Variants in CALN1 observed in about 807,000 individuals in gnomAD.
CALN1 encodes calneuron 1.
A neutral mutation model predicts 30.6 loss-of-function variants in CALN1; 17 were observed. The observed-to-expected ratio is 0.56, with a 90% CI of 0.38 to 0.83. The LOEUF is 0.83. Among genes scored for constraint, CALN1 ranks in the 40% least tolerant of loss-of-function variants. The probability of loss-of-function intolerance (pLI) is 0.00; values close to 1 mark genes in which losing one functional copy is unlikely to be tolerated. For missense variants in CALN1, 291 were observed against 354.9 expected, an observed-to-expected ratio of 0.82 and a Z score of 1.45; for synonymous variants, 156 against 131.4, an observed-to-expected ratio of 1.19 and a Z score of -1.28.
At chr7:71,977,252 G>A (rs942519726) in intron 5 of CALN1, among the ~76,000 whole-genome samples, 5 of 151,954 alleles carry the variant, frequency 3.3e-5, no homozygotes, top group Non-Finnish European at 7.4e-5. Flanking sequence ...GCAACATAGC[G>A]AGACCCTATC....
intron 2 of CALN1, among the ~76,000 whole-genome samples, chr7:72,299,462 G>A (rs1799097786): frequency 5.2e-4 from 1 of 1,920 alleles, no homozygotes; most frequent in Admixed American, 0.011. Context: ...TAGTTAAGAG[G>A]CAGAAATTAC....
At chr7:72,231,953 G>A (rs1200528959) in intron 3 of CALN1, among the ~76,000 whole-genome samples, 6 of 152,202 alleles carry the variant, frequency 3.9e-5, no homozygotes, top group Non-Finnish European at 7.3e-5. Flanking sequence ...CAGAAAAGAC[G>A]CTGTTGTCTT....
intron 4 of CALN1, among the ~76,000 whole-genome samples, chr7:72,078,071 G>A (rs1308336991): frequency 6.6e-6 from 1 of 152,174 alleles, no homozygotes; most frequent in African/African-American, 2.4e-5. Context: ...GTATGTAAAT[G>A]AGGGAAGAAT....
At chr7:72,261,045 C>T (rs1052425929) in intron 3 of CALN1, among the ~76,000 whole-genome samples, 2 of 152,142 alleles carry the variant, frequency 1.3e-5, no homozygotes, top group African/African-American at 2.4e-5. Flanking sequence ...CGGTGGCTCT[C>T]GCCTGTAATC....
chr7:72,058,597 GCACAAGCGA>G (rs1803436147), intron 4 of CALN1, among the ~76,000 whole-genome samples: 1 of 152,094 alleles, frequency 6.6e-6, no homozygotes, highest in African/African-American at 2.4e-5. Context: ...GGGATTACAG[GCACAAGCGA>G]CCATGCCTGG....
intron 4 of CALN1, among the ~76,000 whole-genome samples, chr7:72,040,732 C>T (rs1360883607): frequency 6.6e-6 from 1 of 152,120 alleles, no homozygotes; most frequent in African/African-American, 2.4e-5. Context: ...AGGAGAGAGG[C>T]CTCAGTAGAA....
chr7:71,879,723 C>A (rs1251022023), intron 5 of CALN1, among the ~76,000 whole-genome samples: 1 of 152,096 alleles, frequency 6.6e-6, no homozygotes, highest in African/African-American at 2.4e-5. Flanking sequence ...AGAGGGTAAC[C>A]ATGGCAACCT....
At chr7:72,123,093 C>T (rs1301982446) in intron 3 of CALN1, among the ~76,000 whole-genome samples, 1 of 152,142 alleles carries the variant, frequency 6.6e-6, no homozygotes, top group East Asian at 1.9e-4. Flanking sequence ...CTATTTACCA[C>T]TGTTGCAGTG....
intron 2 of CALN1, among the ~76,000 whole-genome samples, chr7:72,382,341 G>T (rs1329692149): frequency 6.6e-6 from 1 of 152,234 alleles, no homozygotes; most frequent in African/African-American, 2.4e-5. Context: ...GAAATAAAGA[G>T]AATCTGGGCT....
intron 1 of CALN1, among the ~76,000 whole-genome samples, chr7:72,407,437 TG>T (rs1806777754): frequency 6.6e-6 from 1 of 151,854 alleles, no homozygotes; most frequent in South Asian, 2.1e-4. Flanking sequence ...ATCACGGGGG[TG>T]TATTTTTCCC....
chr7:72,479,616 G>C, the CALN1 span, among the ~76,000 whole-genome samples: 1 of 148,388 alleles, frequency 6.7e-6, no homozygotes, highest in African/African-American at 2.5e-5. Flanking sequence ...GCAATGGCGT[G>C]ATCTTGGCTC....
intron 5 of CALN1, among the ~76,000 whole-genome samples, chr7:71,934,653 G>A (rs1174947111): frequency 6.6e-6 from 1 of 152,168 alleles, no homozygotes; most frequent in East Asian, 1.9e-4. Context: ...TGAGGGATCT[G>A]TCCCTATGAC....
At chr7:72,184,467 T>C (rs1790041733) in intron 3 of CALN1, among the ~76,000 whole-genome samples, 1 of 152,260 alleles carries the variant, frequency 6.6e-6, no homozygotes, top group African/African-American at 2.4e-5. Flanking sequence ...ATTTATGACA[T>C]GTGAGCAATA....
chr7:72,044,646 C>G (rs929702819), intron 4 of CALN1, among the ~76,000 whole-genome samples: 31 of 123,644 alleles, frequency 2.5e-4, no homozygotes, highest in African/African-American at 8.8e-4. Context: ...GAGTGTTGCT[C>G]TGTCACCCAG....
At chr7:72,403,122 T>C (rs1015011665) in intron 2 of CALN1, 129 bp downstream of exon 2, 1 of 636,468 alleles carries the variant, frequency 1.6e-6, no homozygotes, top group African/African-American at 1.8e-5. Context: ...CTCCCAGGTG[T>C]CCATTTCATA....
chr7:72,308,929 A>G (rs1481437835), intron 2 of CALN1, among the ~76,000 whole-genome samples: 2 of 152,234 alleles, frequency 1.3e-5, no homozygotes, highest in Admixed American at 1.3e-4. Context: ...CTCATGCAGG[A>G]AAATAGTAAA....
intron 3 of CALN1, among the ~76,000 whole-genome samples, chr7:72,169,907 G>A (rs1049952349): frequency 1.3e-5 from 2 of 152,078 alleles, no homozygotes; most frequent in African/African-American, 4.8e-5. Flanking sequence ...TGGCCAGGCT[G>A]GTCTTGAACT....
intron 3 of CALN1, among the ~76,000 whole-genome samples, chr7:72,113,781 T>C (rs1420360147): frequency 6.6e-6 from 1 of 152,206 alleles, no homozygotes; most frequent in Non-Finnish European, 1.5e-5. Context: ...CTCCGGACTT[T>C]TCTTTTTAAA....
intron 5 of CALN1, among the ~76,000 whole-genome samples, chr7:71,981,985 T>C (rs1798422231): frequency 6.6e-6 from 1 of 152,206 alleles, no homozygotes; most frequent in South Asian, 2.1e-4. Flanking sequence ...GGCTCCCAGC[T>C]CATCCCAGCC....
Sources: allele counts gnomAD v4.1 joint callset (sites outside exome capture counted in the v4.1 genomes callset), GRCh38; gene constraint gnomAD v4.1.1; transcripts MANE v1.5; gene names NCBI Gene and HGNC (gene_info 2026-07-23, HGNC 2026-07-21).